HSF5: variants seen among roughly 807,000 people sequenced by gnomAD.
HSF5 encodes heat shock factor protein 5.
HSF5 carries 5 observed loss-of-function variants against 50.8 expected under a neutral mutation model. That is an observed-to-expected ratio of 0.10 (90% CI 0.05 to 0.21). The LOEUF (loss-of-function observed/expected upper bound fraction) is 0.21. Among genes scored for constraint, HSF5 ranks in the 10% least tolerant of loss-of-function variants. The probability of loss-of-function intolerance (pLI) is 1.00; values close to 1 mark genes in which losing one functional copy is unlikely to be tolerated. For missense variants in HSF5, 564 were observed against 762.6 expected (o/e 0.74, Z 3.07); for synonymous variants, 307 against 307.4 (o/e 1.00, Z 0.02).
intron 5 of HSF5, among the ~76,000 whole-genome samples, chr17:58,451,577 T>C (rs1166422283): frequency 6.6e-6 from 1 of 152,058 alleles, no homozygotes; most frequent in African/African-American, 2.4e-5. Flanking sequence ...AACAATATGC[T>C]CATGAACAAC....
In HSF5 at chr17:58,462,970, A is replaced by G; in HGVS notation, c.1354T>C (p.Cys452Arg). The change falls in exon 4 of 6, where the codon TGC becomes CGC. Residue 452 changes from cysteine to arginine, a missense_variant. Transcript: ENST00000323777. ...FVVGTEQAVA[C>R]SLPQSPEYIY... ...TACTCAGGTGACTGTGGTAGAGAGC[A>G]GGCAACTGCTTGTTCTGTTCCAACC... 1 of 1,614,244 alleles carries G rather than the reference A, an allele frequency of 6.2e-7. No homozygotes were observed.
At chr17:58,434,729 C>T (rs574823815) in intron 5 of HSF5, among the ~76,000 whole-genome samples, 32 of 152,068 alleles carry the variant, frequency 2.1e-4, no homozygotes, top group African/African-American at 7.7e-4. Context: ...TGGCATGAGC[C>T]TGTGGTCCCA....
chr17:58,484,309 C>T (rs947502760), intron 1 of HSF5, among the ~76,000 whole-genome samples: 8 of 151,778 alleles, frequency 5.3e-5, no homozygotes, highest in African/African-American at 1.9e-4. Flanking sequence ...TTATGTTTTT[C>T]AACAAACAGT....
chr17:58,430,135 G>A (rs1431132574), intron 5 of HSF5, among the ~76,000 whole-genome samples: 7 of 152,092 alleles, frequency 4.6e-5, no homozygotes, highest in Admixed American at 3.9e-4. Flanking sequence ...GCACAGTGGC[G>A]CAATCTGGGC....
In HSF5 at chr17:58,462,791, G is replaced by A; in HGVS notation, c.1533C>T (p.Ser511=). 2 of 1,605,110 alleles carry A rather than the reference G, an allele frequency of 1.2e-6. No homozygotes were observed. Among genetic ancestry groups the A allele is most frequent in the South Asian group, 2.2e-5 (2 of 89,202 alleles). The change falls in exon 4 of 6, where the codon AGC becomes AGT. Residue 511 remains serine, a synonymous_variant. Coordinates refer to ENST00000323777, the MANE Select transcript of HSF5 (RefSeq NM_001080439.3). ...TTCTTTGCCCCCTTACCTGGTGTGT[G>A]CTGAATGGTGGCCCTTCCTGCACAA... ...VVFVQEGPPF[S]THQVDANIKC...
At chr17:58,477,287 T>G (rs1376032901) in intron 2 of HSF5, among the ~76,000 whole-genome samples, 1 of 149,762 alleles carries the variant, frequency 6.7e-6, no homozygotes, top group Non-Finnish European at 1.5e-5. Flanking sequence ...GCCTGGCTAA[T>G]TTTTGTATTT....
intron 5 of HSF5, among the ~76,000 whole-genome samples, chr17:58,426,342 G>A (rs930632767): frequency 6.6e-5 from 10 of 152,182 alleles, no homozygotes; most frequent in African/African-American, 2.4e-4. Context: ...GAGCTAAGGA[G>A]TACAGAAATC....
At chr17:58,454,646 A>T (rs1974685867) in intron 5 of HSF5, among the ~76,000 whole-genome samples, 1 of 152,250 alleles carries the variant, frequency 6.6e-6, no homozygotes, top group Admixed American at 6.5e-5. Flanking sequence ...TGCAGGATAC[A>T]AAATCAACTT....
At chr17:58,453,197 G>C (rs1022905867) in intron 5 of HSF5, among the ~76,000 whole-genome samples, 5 of 152,108 alleles carry the variant, frequency 3.3e-5, no homozygotes, top group African/African-American at 1.2e-4. Flanking sequence ...TATAAGGCCA[G>C]CATTACCCTA....
intron 2 of HSF5, among the ~76,000 whole-genome samples, chr17:58,474,958 C>A (rs1195643280): frequency 1.3e-5 from 2 of 152,094 alleles, no homozygotes; most frequent in African/African-American, 2.4e-5. Context: ...AAAAATTAGG[C>A]CTTAACCATT....
rs998076252 is a variant in HSF5 at position 58,422,122 on chromosome 17, G to A, written c.*238C>T. The stretch of plus-strand genomic sequence containing the variant: ...AACTTTTCATTTAAAAGGGATCTGG[G>A]CAGCCAAAAAACGTGGCTGCTAGAT... On this transcript the variant is annotated 3_prime_UTR_variant, in exon 6 of 6. Transcript: ENST00000323777. 2.2e-6 allele frequency: 1 copy of A among 453,056 alleles called. No homozygotes were observed. Among genetic ancestry groups the A allele is most frequent in the Non-Finnish European group, 4.0e-6 (1 of 252,342 alleles). The allele number at this position is 453,056 out of a possible 1,614,324, so 28.1% of individuals were successfully genotyped here.
intron 5 of HSF5, among the ~76,000 whole-genome samples, chr17:58,445,255 T>C (rs940119937): frequency 2.0e-5 from 3 of 152,242 alleles, no homozygotes; most frequent in Non-Finnish European, 4.4e-5. Flanking sequence ...AATCCATTAC[T>C]GGATACATGC....
In HSF5 at chr17:58,487,706, A is replaced by C. The variant is rs764357665; in HGVS notation, c.550+19T>G. ...CCATGTGCCCACTGTGGGCGAGGGC[A>C]CGGGCAGTCCGGACTCACCGTGCGG... On this transcript the variant is annotated intron_variant, in intron 1 of 5. Coordinates refer to ENST00000323777, the MANE Select transcript of HSF5 (RefSeq NM_001080439.3). The C allele has an allele frequency of 6.5e-6, 9 of 1,379,806 alleles. No homozygotes were observed. 85.5% of individuals were successfully genotyped at this position (1,379,806 alleles called of 1,614,324 possible).
intron 5 of HSF5, among the ~76,000 whole-genome samples, chr17:58,427,690 A>G (rs183049383): frequency 8.5e-5 from 13 of 152,348 alleles, no homozygotes; most frequent in Non-Finnish European, 2.9e-5. Context: ...ATCTACCAAG[A>G]TAAAAAACAT....
chr17:58,422,405 G>T lies in HSF5; in HGVS notation c.1746C>A (p.Ala582=). 6.2e-7 allele frequency: 1 copy of T among 1,613,994 alleles called. No individual in the cohort carries two copies. Among genetic ancestry groups the T allele is most frequent in the Non-Finnish European group, 8.5e-7 (1 of 1,179,952 alleles). ...CCTTTGGAAAGCGCTCCTGCTTGCAGGCCACGTCCACCAGCAGATGAAGAT... is the reference window on the plus strand; with the variant it reads ...CCTTTGGAAAGCGCTCCTGCTTGCATGCCACGTCCACCAGCAGATGAAGAT... ...SPDLHLLVDV[A]CKQERFPKEE... Residue 582 remains alanine (A), a synonymous_variant, in exon 6 of 6, where the codon GCC becomes GCA. Coordinates refer to ENST00000323777, the MANE Select transcript of HSF5 (RefSeq NM_001080439.3).
At chr17:58,453,574 G>A (rs948963435) in intron 5 of HSF5, among the ~76,000 whole-genome samples, 6 of 151,418 alleles carry the variant, frequency 4.0e-5, no homozygotes, top group Admixed American at 6.6e-5. Flanking sequence ...CAGCCTGGGC[G>A]ACAGAGTGAG....
chr17:58,444,871 C>G (rs950160751), intron 5 of HSF5, among the ~76,000 whole-genome samples: 2 of 152,064 alleles, frequency 1.3e-5, no homozygotes, highest in Non-Finnish European at 2.9e-5. Context: ...TTAAAAACTC[C>G]TACAACTGAA....
Position 58,463,389 on chromosome 17 carries a change from G to C in HSF5, c.1021-86C>G. The C allele has an allele frequency of 4.8e-6, 5 of 1,042,150 alleles. No homozygotes were observed. In the East Asian group the frequency reaches 1.2e-4, roughly 25 times the overall value. The allele number at this position is 1,042,150 out of a possible 1,614,324, so 64.6% of individuals were successfully genotyped here. ...AGCTACAATATTTAGGCTGATGAGT[G>C]CTAAACATAAATAGATTAAACTTAA... is the stretch of plus-strand genomic sequence containing the variant. On this transcript the variant is annotated intron_variant, in intron 3 of 5. Transcript: ENST00000323777.
chr17:58,429,640 A>C (rs1974338624), intron 5 of HSF5, among the ~76,000 whole-genome samples: 1 of 152,146 alleles, frequency 6.6e-6, no homozygotes, highest in African/African-American at 2.4e-5. Context: ...TGAGGTCAGG[A>C]GTTTGAGACC....
Sources: allele counts gnomAD v4.1 joint callset (sites outside exome capture counted in the v4.1 genomes callset), GRCh38; gene constraint gnomAD v4.1.1; transcripts MANE v1.5; gene names NCBI Gene and HGNC (gene_info 2026-07-23, HGNC 2026-07-21).